Variants in RANBP2 observed in about 807,000 individuals in gnomAD.
RANBP2 encodes the protein RAN binding protein 2, also known as E3 SUMO-protein ligase RanBP2.
Under a neutral mutation model 303.6 loss-of-function variants are expected in RANBP2, and 57 were observed. The observed-to-expected ratio is 0.19, with a 90% confidence interval of 0.15 to 0.23. The LOEUF (loss-of-function observed/expected upper bound fraction) is 0.23. Among genes scored for constraint, RANBP2 ranks in the 10% least tolerant of loss-of-function variants. The pLI, the probability that RANBP2 is intolerant of heterozygous loss-of-function variation, is 1.00. For missense variants in RANBP2, 3,138 were observed against 3,780.8 expected, an observed-to-expected ratio of 0.83 and a Z score of 4.46; for synonymous variants, 1,167 against 1,301.5, an observed-to-expected ratio of 0.90 and a Z score of 2.23.
chr2:109,070,789 G>A, the RANBP2 span, among the ~76,000 whole-genome samples: 155 of 151,760 alleles, frequency 1.0e-3, no homozygotes, highest in Admixed American at 2.2e-3. Context: ...GAGCCCAGGA[G>A]GCAGAGGTTG....
chr2:108,922,935 A>G, the RANBP2 span, among the ~76,000 whole-genome samples: 1 of 152,240 alleles, frequency 6.6e-6, no homozygotes, highest in South Asian at 2.1e-4. Context: ...AATCTGTTTC[A>G]TTAATTGTGA....
chr2:109,050,742 C>T, the RANBP2 span, among the ~76,000 whole-genome samples: 8 of 151,274 alleles, frequency 5.3e-5, no homozygotes, highest in Non-Finnish European at 1.2e-4. Context: ...TCCAGTATGG[C>T]GTCTTACAAT....
Position 108,736,384 on chromosome 2 carries a change from A to C in RANBP2, c.782+135A>C, listed in dbSNP as rs6729215. 1,384 of 1,523,604 alleles carry C rather than the reference A, an allele frequency of 9.1e-4. 11 individuals are homozygous for C. The African/African-American group carries it at 0.01, about 11-fold the overall frequency. The allele number at this position is 1,523,604 out of a possible 1,614,324, so 94.4% of individuals were successfully genotyped here. A position where few individuals can be genotyped will look rare whatever the true frequency, so the allele number is the denominator to read the frequency against. ...AGGAGTTATAGTTAATACAGTGAAC[A>C]ACTAGGAGGCAATCTTATTTTTCTT... On this transcript the variant is annotated intron_variant, in intron 6 of 28. Coordinates refer to ENST00000283195, the MANE Select transcript of RANBP2 (RefSeq NM_006267.5).
chr2:109,367,760 T>G, the RANBP2 span, among the ~76,000 whole-genome samples: 1 of 152,260 alleles, frequency 6.6e-6, no homozygotes, highest in South Asian at 2.1e-4. Flanking sequence ...CTGTAATGAA[T>G]GTCTTCAGTA....
chr2:109,463,704 A>G, the RANBP2 span, among the ~76,000 whole-genome samples: 1 of 152,186 alleles, frequency 6.6e-6, no homozygotes, highest in Non-Finnish European at 1.5e-5. Flanking sequence ...CAGTCAAGCT[A>G]CCCAAAGTTT....
the RANBP2 span, among the ~76,000 whole-genome samples, chr2:109,283,374 T>TGG: frequency 4.6e-5 from 7 of 152,166 alleles, no homozygotes; most frequent in Admixed American, 4.6e-4. Context: ...AGGCCTCACC[T>TGG]CACTGCGTTG....
the RANBP2 span, among the ~76,000 whole-genome samples, chr2:109,454,798 C>T: frequency 6.6e-6 from 1 of 152,048 alleles, no homozygotes; most frequent in Non-Finnish European, 1.5e-5. Context: ...CATCTCGAAG[C>T]CTTAGGTCGA....
At chr2:108,980,247 C>T in the RANBP2 span, among the ~76,000 whole-genome samples, 12 of 152,082 alleles carry the variant, frequency 7.9e-5, no homozygotes, top group Non-Finnish European at 1.3e-4. Flanking sequence ...TCACTGATTC[C>T]GGACAGTTCT....
the RANBP2 span, chr2:109,432,730 C>G: frequency 5.8e-6 from 9 of 1,551,246 alleles, no homozygotes; most frequent in Non-Finnish European, 7.8e-6. Flanking sequence ...CACGCCTTAC[C>G]GCTGTTGTTA....
chr2:108,804,141 T>G, the RANBP2 span, among the ~76,000 whole-genome samples: 2 of 152,190 alleles, frequency 1.3e-5, no homozygotes, highest in Non-Finnish European at 2.9e-5. Flanking sequence ...ATTTTCATCG[T>G]ATTTATATCA....
chr2:108,929,983 C>T, the RANBP2 span: 49 of 1,075,406 alleles, frequency 4.6e-5, no homozygotes, highest in East Asian at 2.1e-4. Flanking sequence ...TCAATCTCAA[C>T]GTCCAGGGAG....
chr2:109,049,535 G>A, the RANBP2 span, among the ~76,000 whole-genome samples: 14 of 152,304 alleles, frequency 9.2e-5, no homozygotes, highest in African/African-American at 3.1e-4. Context: ...ATTGCACCAA[G>A]GAGCAGGCAT....
chr2:108,955,086 T>C, the RANBP2 span, among the ~76,000 whole-genome samples: 26 of 152,092 alleles, frequency 1.7e-4, no homozygotes, highest in Non-Finnish European at 3.7e-4. Context: ...CATTAAAGGG[T>C]AGTGATTATA....
chr2:108,965,763 G>C, the RANBP2 span, among the ~76,000 whole-genome samples: 2 of 152,020 alleles, frequency 1.3e-5, no homozygotes, highest in African/African-American at 2.4e-5. Flanking sequence ...GTGGTGGTGG[G>C]GGGCTGGGGT....
chr2:109,251,693 G>T, the RANBP2 span: 1 of 1,009,446 alleles, frequency 9.9e-7, no homozygotes. Context: ...CTCTTCATAG[G>T]TTCTATTTTA....
the RANBP2 span, among the ~76,000 whole-genome samples, chr2:109,249,209 A>G: frequency 6.6e-6 from 1 of 152,206 alleles, no homozygotes; most frequent in African/African-American, 2.4e-5. Context: ...ACTTCAGCTA[A>G]GCAACTCCCC....
At chr2:108,978,456 T>A in the RANBP2 span, among the ~76,000 whole-genome samples, 1,584 of 152,296 alleles carry the variant, frequency 0.01, 10 homozygotes, top group Non-Finnish European at 0.015. Flanking sequence ...TCATATTTGT[T>A]AGACGCCTCA....
At chr2:109,551,129 G>A in the RANBP2 span, among the ~76,000 whole-genome samples, 10 of 152,228 alleles carry the variant, frequency 6.6e-5, no homozygotes, top group South Asian at 1.2e-3. Flanking sequence ...GAACGTCAAC[G>A]ATATTTGGAG....
the RANBP2 span, among the ~76,000 whole-genome samples, chr2:109,059,192 A>G: frequency 2.6e-5 from 4 of 152,124 alleles, no homozygotes; most frequent in Middle Eastern, 3.2e-3. Flanking sequence ...AGGCCCCTCT[A>G]CTGTGCCAGG....
Sources: gnomAD v4.1 joint callset for allele counts (sites outside exome capture counted in the v4.1 genomes callset) on GRCh38, gnomAD v4.1.1 for gene constraint, MANE v1.5 for transcripts, NCBI Gene and HGNC (gene_info 2026-07-23, HGNC 2026-07-21) for gene names.